The following DNAJA2 variants were observed in gnomAD, a reference collection of about 807,000 sequenced individuals.
DNAJA2 encodes dnaJ homolog subfamily A member 2.
In DNAJA2, 6 loss-of-function variants were observed where a neutral mutation model predicts 49.3. The observed-to-expected ratio is 0.12, with a 90% CI of 0.07 to 0.24. DNAJA2 has a LOEUF of 0.24. Among genes scored for constraint, DNAJA2 ranks in the 10% least tolerant of loss-of-function variants. The pLI is 1.00. For synonymous variants in DNAJA2, 160 were observed against 172.7 expected (o/e 0.93, Z 0.58); for missense variants, 347 against 516.8 (o/e 0.67, Z 3.19).
intron 6 of DNAJA2, among the ~76,000 whole-genome samples, chr16:46,962,647 G>A (rs1961915077): frequency 6.6e-6 from 1 of 152,212 alleles, no homozygotes; most frequent in African/African-American, 2.4e-5. Flanking sequence ...CAAGGAAGTA[G>A]CTAAAATGTT....
At chr16:46,970,714 G>A (rs1325846044) in intron 3 of DNAJA2, among the ~76,000 whole-genome samples, 4 of 70,252 alleles carry the variant, frequency 5.7e-5, no homozygotes, top group Admixed American at 2.4e-4. Context: ...CAACCCGGGC[G>A]ACAGGGACTC....
chr16:46,961,549 A>G (rs1431714328), intron 6 of DNAJA2, among the ~76,000 whole-genome samples: 1 of 147,172 alleles, frequency 6.8e-6, no homozygotes, highest in Non-Finnish European at 1.5e-5. Context: ...GCGCCACTAC[A>G]CTCCAGTCTG....
At position 46,955,677 on chromosome 16, in the gene DNAJA2, AG is replaced by A. The variant is rs1009165748; in HGVS notation, c.*1351del. 2 of 152,168 alleles carry A rather than the reference AG, an allele frequency of 1.3e-5. No homozygotes were observed. The highest frequency in any genetic ancestry group is 4.8e-5 in the African/African-American group (2 of 41,440). 9.4% of individuals were successfully genotyped at this position (152,168 alleles called of 1,614,324 possible). ...GGCATTTAATACATTTAAAATTTTT[AG>A]TTTTCAGTTTTCCCCATTTGTTCCT... On this transcript the variant is annotated 3_prime_UTR_variant, in exon 9 of 9. Coordinates refer to ENST00000317089, the MANE Select transcript of DNAJA2 (RefSeq NM_005880.4).
chr16:46,965,045 T>C (rs897103361), intron 5 of DNAJA2, among the ~76,000 whole-genome samples: 5 of 152,020 alleles, frequency 3.3e-5, no homozygotes, highest in African/African-American at 9.7e-5. Flanking sequence ...CAGTGAGACC[T>C]TGCCTCTACT....
chr16:46,960,236 A>C (rs879942750), intron 6 of DNAJA2, among the ~76,000 whole-genome samples: 10 of 152,192 alleles, frequency 6.6e-5, no homozygotes, highest in Non-Finnish European at 1.5e-4. Context: ...ATGATTCTCT[A>C]AGTGTGGTTC....
chr16:46,959,204 TA>T, intron 7 of DNAJA2, 70 bp downstream of exon 7: 1 of 1,581,560 alleles, frequency 6.3e-7, no homozygotes, highest in Non-Finnish European at 8.6e-7. Context: ...TTATGCAGTA[TA>T]AAAAAATTAC....
intron 6 of DNAJA2, among the ~76,000 whole-genome samples, chr16:46,962,277 CA>C (rs1961907386): frequency 1.3e-5 from 2 of 152,170 alleles, no homozygotes; most frequent in African/African-American, 2.4e-5. Context: ...CCTCCAAATC[CA>C]ATGATCTACT....
chr16:46,962,042 C>G (rs1235921344), intron 6 of DNAJA2, among the ~76,000 whole-genome samples: 1 of 152,070 alleles, frequency 6.6e-6, no homozygotes, highest in Admixed American at 6.6e-5. Flanking sequence ...CTAACCTTTA[C>G]CATCTTCTAT....
At chr16:46,964,882 G>A (rs1311746299) in intron 5 of DNAJA2, 75 bp from the exon 6 acceptor site, 2 of 1,231,044 alleles carry the variant, frequency 1.6e-6, no homozygotes, top group African/African-American at 1.5e-5. Flanking sequence ...CTTTAAATAT[G>A]CTTTCTGGAC....
intron 2 of DNAJA2, 26 bp downstream of exon 2, chr16:46,971,870 G>A: frequency 3.8e-6 from 6 of 1,590,818 alleles, no homozygotes; most frequent in Non-Finnish European, 5.2e-6. Context: ...AAAACCCCCG[G>A]AATAAAAAAG....
intron 1 of DNAJA2, among the ~76,000 whole-genome samples, 177 bp downstream of exon 1, chr16:46,973,318 C>T (rs1160423456): frequency 1.3e-5 from 2 of 150,944 alleles, no homozygotes; most frequent in Non-Finnish European, 3.0e-5. Flanking sequence ...TCAGCCGAGG[C>T]CGGAGTGCGC....
Position 46,959,043 on chromosome 16 carries a change from T to C in DNAJA2, c.1007A>G (p.Gln336Arg). The C allele has an allele frequency of 6.2e-7, 1 of 1,611,400 alleles. No homozygotes were observed. Among genetic ancestry groups the C allele is most frequent in the Non-Finnish European group, 8.5e-7 (1 of 1,179,292 alleles). The change falls in exon 8 of 9, where the codon CAG becomes CGG. Residue 336 changes from glutamine (Q) to arginine (R), a missense_variant. Coordinates refer to ENST00000317089, the MANE Select transcript of DNAJA2 (RefSeq NM_005880.4). ...KGDLYIKFDVQFPENNWINPD... is the reference protein window; with the variant it reads ...KGDLYIKFDVRFPENNWINPD... ...GTTGATCCAGTTGTTTTCAGGAAAC[T>C]GCACATCAAACTTTATGTAAAGATC...
intron 2 of DNAJA2, 69 bp downstream of exon 2, chr16:46,971,825 CCT>C (rs780467461): frequency 7.5e-6 from 10 of 1,327,420 alleles, no homozygotes; most frequent in South Asian, 3.6e-5. Context: ...CTGCAACATT[CCT>C]CTTTTTCAAG....
chr16:46,967,961 G>C, intron 4 of DNAJA2, 123 bp downstream of exon 4: 6 of 952,982 alleles, frequency 6.3e-6, no homozygotes, highest in South Asian at 1.7e-5. Flanking sequence ...GGGATTTCAG[G>C]TGTGAGCCAC....
At chr16:46,973,382 T>G in intron 1 of DNAJA2, 113 bp downstream of exon 1, 1 of 987,818 alleles carries the variant, frequency 1.0e-6, no homozygotes, top group Non-Finnish European at 1.3e-6. Flanking sequence ...CCCGGGCCAG[T>G]CACGGCCGGC....
chr16:46,973,626 G>C lies in DNAJA2; in HGVS notation c.-54C>G. 6.4e-7 allele frequency: 1 copy of C among 1,561,548 alleles called. No individual in the cohort carries two copies. ...AAGGTGGCGAAGCAGACAGAGCGGA[G>C]TCGGGCCCACAAGCGGCGTCGGCGG... On this transcript the variant is annotated 5_prime_UTR_variant, in exon 1 of 9. Coordinates refer to ENST00000317089, the MANE Select transcript of DNAJA2 (RefSeq NM_005880.4).
intron 3 of DNAJA2, among the ~76,000 whole-genome samples, chr16:46,969,467 C>G (rs753892096): frequency 1.9e-4 from 29 of 152,156 alleles, no homozygotes; most frequent in Non-Finnish European, 2.6e-4. Flanking sequence ...CAACCAGTAT[C>G]CTAAGCCAGA....
chr16:46,965,026 C>G (rs1961949022), intron 5 of DNAJA2, among the ~76,000 whole-genome samples: 2 of 152,070 alleles, frequency 1.3e-5, no homozygotes, highest in Admixed American at 1.3e-4. Context: ...TGAGACCAGC[C>G]TAGCAACACA....
chr16:46,971,661 T>TAAAAAAGA (rs1962050163), intron 2 of DNAJA2, 89 bp from the exon 3 acceptor site: 1 of 384,844 alleles, frequency 2.6e-6, no homozygotes, highest in South Asian at 3.2e-5. Context: ...CATTTAATTC[T>TAAAAAAGA]AAAAAAAAAA....
Sources: allele counts gnomAD v4.1 joint callset (sites outside exome capture counted in the v4.1 genomes callset), GRCh38; gene constraint gnomAD v4.1.1; transcripts MANE v1.5; gene names NCBI Gene and HGNC (gene_info 2026-07-23, HGNC 2026-07-21).